Variants in ARID1B observed in about 807,000 individuals in gnomAD.
ARID1B encodes the protein AT-rich interaction domain 1B, also known as AT-rich interactive domain-containing protein 1B.
Under a neutral mutation model 212.3 loss-of-function variants are expected in ARID1B, and 30 were observed. The observed-to-expected ratio is 0.14, with a 90% CI of 0.11 to 0.19. The LOEUF (loss-of-function observed/expected upper bound fraction) is 0.19, where lower values mean the gene tolerates loss of function less well. Among genes scored for constraint, ARID1B ranks in the 10% least tolerant of loss-of-function variants. The pLI is 1.00. For missense variants in ARID1B, 2,891 were observed against 3,204.0 expected (o/e 0.90, Z 2.36); for synonymous variants, 1,402 against 1,301.7 (o/e 1.08, Z -1.66).
At chr6:156,931,076 G>A (rs1162294242) in intron 3 of ARID1B, among the ~76,000 whole-genome samples, 3 of 151,568 alleles carry the variant, frequency 2.0e-5, no homozygotes, top group East Asian at 1.9e-4. Context: ...TGTAGTCCCA[G>A]CTACTCGGGA....
At chr6:157,022,147 G>C (rs905423478) in intron 4 of ARID1B, 6 of 152,004 alleles carry the variant, frequency 3.9e-5, no homozygotes, top group East Asian at 1.9e-4. Context: ...GGGGAGGCGG[G>C]GCGGGGCCGC....
At chr6:157,154,880 C>T (rs376486708) in intron 8 of ARID1B, among the ~76,000 whole-genome samples, 2 of 152,228 alleles carry the variant, frequency 1.3e-5, no homozygotes, top group East Asian at 3.9e-4. Context: ...TGCGCCCGGC[C>T]TGTTGCTCTT....
intron 4 of ARID1B, among the ~76,000 whole-genome samples, chr6:157,009,755 C>G (rs1779458120): frequency 6.6e-6 from 1 of 152,194 alleles, no homozygotes; most frequent in Non-Finnish European, 1.5e-5. Context: ...CTTATGACAT[C>G]TCTGTGCTAT....
chr6:157,042,708 G>T (rs952191751), intron 4 of ARID1B, among the ~76,000 whole-genome samples: 6 of 149,480 alleles, frequency 4.0e-5, no homozygotes, highest in Admixed American at 3.3e-4. Context: ...ACCCAGGCTG[G>T]AGTACAGTGG....
intron 2 of ARID1B, among the ~76,000 whole-genome samples, chr6:156,869,734 G>A (rs1057182530): frequency 2.6e-5 from 4 of 152,100 alleles, no homozygotes; most frequent in Non-Finnish European, 5.9e-5. Flanking sequence ...GAGCTATAAA[G>A]TGAATTTCTT....
At chr6:156,985,915 A>C (rs1385630222) in intron 4 of ARID1B, among the ~76,000 whole-genome samples, 1 of 152,210 alleles carries the variant, frequency 6.6e-6, no homozygotes, top group East Asian at 1.9e-4. Flanking sequence ...GGGAATTAAA[A>C]GCAAAGCTGA....
At chr6:156,924,543 A>G (rs1791071322) in intron 3 of ARID1B, among the ~76,000 whole-genome samples, 1 of 152,224 alleles carries the variant, frequency 6.6e-6, no homozygotes, top group African/African-American at 2.4e-5. Flanking sequence ...TGCAACGTGG[A>G]TTGCCTCACA....
intron 1 of ARID1B, among the ~76,000 whole-genome samples, chr6:156,801,196 CTTTTT>C (rs397887993): frequency 2.8e-5 from 3 of 105,938 alleles, no homozygotes; most frequent in Non-Finnish European, 1.9e-5. Flanking sequence ...CTTGAATAAT[CTTTTT>C]TTTTTTTTTT....
At position 157,209,501 on chromosome 6, in the gene ARID1B, T is replaced by C. The variant is rs146042542; in HGVS notation, c.*1610T>C. The C allele has an allele frequency of 1.9e-4, 44 of 233,042 alleles. No individual in the cohort carries two copies. In the East Asian group the frequency reaches 2.7e-3, roughly 14 times the overall value. The allele number at this position is 233,042 out of a possible 1,614,324, so 14.4% of individuals were successfully genotyped here. On this transcript the variant is annotated 3_prime_UTR_variant, in exon 20 of 20. Transcript: ENST00000636930. ...TAACTCTAACGACATTGAGGTATGA[T>C]CATTTTCAGTATTTATGGGAGGTGG... is the stretch of plus-strand genomic sequence containing the variant.
Position 157,207,232 on chromosome 6 carries a change from A to G in ARID1B, c.6460A>G (p.Ile2154Val). The G allele has an allele frequency of 6.2e-7, 1 of 1,614,194 alleles. No homozygotes were observed. Among genetic ancestry groups the G allele is most frequent in the Non-Finnish European group, 8.5e-7 (1 of 1,180,034 alleles). The change falls in exon 20 of 20, where the codon ATT becomes GTT. Residue 2154 changes from isoleucine (I) to valine (V), a missense_variant. Ile to Val is a conservative substitution (Grantham distance 29). This residue lies in a region of ARID1B where 187 missense variants were observed against 306.5 expected (regional missense o/e 0.61). Coordinates refer to ENST00000636930, the MANE Select transcript of ARID1B (RefSeq NM_001374828.1). The surrounding 1 kb of genome is among the most constrained non-coding windows in gnomAD (Gnocchi z 8.5). The part of the protein sequence containing the change: ...RDNTLVTLAN[I>V]SGQLDLSAYT... ...TAACACGTTGGTCACGTTGGCCAAC[A>G]TTTCCGGGCAGCTAGACTTGTCTGC...
At chr6:157,108,908 G>T (rs568995161) in intron 5 of ARID1B, among the ~76,000 whole-genome samples, 1 of 152,286 alleles carries the variant, frequency 6.6e-6, no homozygotes, top group South Asian at 2.1e-4. Context: ...ATCTGAAAAT[G>T]AGAGTGGCAG....
At chr6:156,981,888 A>T (rs1397105721) in intron 4 of ARID1B, among the ~76,000 whole-genome samples, 4 of 152,042 alleles carry the variant, frequency 2.6e-5, no homozygotes, top group African/African-American at 9.7e-5. Flanking sequence ...TCATGCGGTC[A>T]TACCTGCCAG....
At position 156,843,285 on chromosome 6, in the gene ARID1B, G is replaced by C. The variant is rs549925880; in HGVS notation, c.1986+13864G>C. Among the ~76,000 whole-genome samples the C allele has an allele frequency of 2.0e-5, 3 of 152,264 alleles. No individual in the cohort carries two copies. The South Asian group carries it at 6.2e-4, about 32-fold the overall frequency. ...TATTATTTTATATATATGGTAGTAT[G>C]CAAAGTTTTAAAATACAATTTTTAA... On this transcript the variant is annotated intron_variant, in intron 2 of 19. Coordinates refer to ENST00000636930, the MANE Select transcript of ARID1B (RefSeq NM_001374828.1).
At position 156,897,313 on chromosome 6, in the gene ARID1B, G is replaced by A. The variant is rs533443149; in HGVS notation, c.1987-4063G>A. On this transcript the variant is annotated intron_variant, in intron 2 of 19. Coordinates refer to ENST00000636930, the MANE Select transcript of ARID1B (RefSeq NM_001374828.1). ...ATTTGAGACAGAGTCTTGCCCTGTC[G>A]CCCAGGCTGGAGTGCACTGGAGCGA... is the stretch of plus-strand genomic sequence containing the variant. 5.1e-5 allele frequency among the ~76,000 whole-genome samples: 7 copies of A among 136,064 alleles called. No individual in the cohort carries two copies. In the South Asian group the frequency reaches 7.0e-4, roughly 14 times the overall value. The allele number at this position is 136,064 out of a possible 152,430, so 89.3% of individuals were successfully genotyped here.
chr6:157,177,412 G>A (rs1171437497), intron 11 of ARID1B, among the ~76,000 whole-genome samples: 2 of 152,172 alleles, frequency 1.3e-5, no homozygotes, highest in African/African-American at 2.4e-5. Context: ...CTGAGATGCC[G>A]CTTCAATTTG....
chr6:156,958,351 G>A (rs2128317285), intron 4 of ARID1B, among the ~76,000 whole-genome samples: 1 of 152,190 alleles, frequency 6.6e-6, no homozygotes, highest in East Asian at 1.9e-4. Flanking sequence ...GTTTGATTCT[G>A]TGGCATACTG....
intron 7 of ARID1B, chr6:157,140,781 T>C: frequency 2.5e-6 from 1 of 396,922 alleles, no homozygotes; most frequent in Non-Finnish European, 4.4e-6. Context: ...CCTCTGACGT[T>C]AGCCCTGGTC....
At chr6:157,058,850 A>G (rs112084517) in intron 4 of ARID1B, among the ~76,000 whole-genome samples, 5,031 of 152,212 alleles carry the variant, frequency 0.033, 275 homozygotes, top group African/African-American at 0.11. Context: ...AAGAGGGAAA[A>G]TACCACGTGG....
intron 4 of ARID1B, among the ~76,000 whole-genome samples, chr6:157,033,365 A>T (rs955637653): frequency 1.3e-5 from 2 of 152,212 alleles, no homozygotes; most frequent in South Asian, 4.1e-4. Context: ...TTTTTGTGAC[A>T]GTGTGATACT....
Sources: allele counts gnomAD v4.1 joint callset (sites outside exome capture counted in the v4.1 genomes callset), GRCh38; gene constraint gnomAD v4.1.1; regional missense constraint gnomAD v4.1.1; non-coding constraint Gnocchi (gnomAD v3.1); transcripts MANE v1.5; gene names NCBI Gene and HGNC (gene_info 2026-07-23, HGNC 2026-07-21).